SYT6: variants seen among roughly 807,000 people sequenced by gnomAD.
SYT6 encodes the protein synaptotagmin 6, also known as synaptotagmin-6.
A neutral mutation model predicts 38.4 loss-of-function variants in SYT6; 24 were observed. The observed-to-expected ratio is 0.62, with a 90% CI of 0.45 to 0.88. The LOEUF (loss-of-function observed/expected upper bound fraction) is 0.88, where lower values mean the gene tolerates loss of function less well. SYT6 is among the 40% of genes least tolerant of loss of function. The pLI is 0.00. For synonymous variants in SYT6, 265 were observed against 241.9 expected, an observed-to-expected ratio of 1.10 and a Z score of -0.89; for missense variants, 611 against 621.0, an observed-to-expected ratio of 0.98 and a Z score of 0.17.
At chr1:114,151,573 C>A (rs188069341) in intron 1 of SYT6, among the ~76,000 whole-genome samples, 3 of 152,290 alleles carry the variant, frequency 2.0e-5, no homozygotes, top group East Asian at 3.9e-4. Context: ...TCCACCGTCA[C>A]CCCCAGCATT....
At chr1:114,105,851 A>C (rs980710080) in intron 3 of SYT6, among the ~76,000 whole-genome samples, 9 of 152,148 alleles carry the variant, frequency 5.9e-5, no homozygotes, top group Non-Finnish European at 7.4e-5. Context: ...ACCCTTCTGC[A>C]CCTTGGCTTA....
At chr1:114,119,614 T>TA (rs1677251242) in intron 3 of SYT6, among the ~76,000 whole-genome samples, 1 of 152,172 alleles carries the variant, frequency 6.6e-6, no homozygotes, top group Non-Finnish European at 1.5e-5. Flanking sequence ...AGATATGGCT[T>TA]GAACCCAGGC....
chr1:114,094,541 A>G (rs962759036), intron 6 of SYT6, among the ~76,000 whole-genome samples: 3 of 152,216 alleles, frequency 2.0e-5, no homozygotes, highest in African/African-American at 7.2e-5. Context: ...TGATGGCTCA[A>G]TGAATTTTTA....
chr1:114,143,324 A>G (rs528382137), intron 1 of SYT6, among the ~76,000 whole-genome samples: 1 of 149,224 alleles, frequency 6.7e-6, no homozygotes, highest in African/African-American at 2.4e-5. Flanking sequence ...ATGTGTACAT[A>G]TATAAATTAC....
chr1:114,146,325 T>C (rs1023999505), intron 1 of SYT6, among the ~76,000 whole-genome samples: 12 of 152,274 alleles, frequency 7.9e-5, no homozygotes, highest in Non-Finnish European at 1.6e-4. Context: ...TTAAGTTACA[T>C]TGAGATTAGA....
intron 1 of SYT6, among the ~76,000 whole-genome samples, chr1:114,149,859 G>C (rs11584682): frequency 0.19 from 28,912 of 151,952 alleles, 3,678 homozygotes; most frequent in East Asian, 0.54. Flanking sequence ...GCTCCTAGAA[G>C]AAAGAAGGGA....
intron 3 of SYT6, among the ~76,000 whole-genome samples, chr1:114,114,002 C>T (rs1676844871): frequency 6.6e-6 from 1 of 152,210 alleles, no homozygotes; most frequent in Non-Finnish European, 1.5e-5. Context: ...CCAGGCTCTT[C>T]CTGCCCCATG....
chr1:114,137,524 T>A lies in SYT6; in HGVS notation c.1042A>T (p.Ile348Phe). The A allele has an allele frequency of 6.2e-7, 1 of 1,613,922 alleles. No homozygotes were observed. ...GTGGCATATTGGATATCCTTCCAGA[T>A]GGAGGTTTCCCGAGACAGGTCAGAG... ...EASDLSRETSIWKDIQYATSE... is the reference protein window; with the variant it reads ...EASDLSRETSFWKDIQYATSE... The change falls in exon 3 of 8, where the codon ATC (isoleucine) becomes TTC (phenylalanine). Residue 348 changes from isoleucine (I) to phenylalanine (F), a missense_variant. By Grantham distance (21) the Ile-to-Phe change is conservative (BLOSUM62 0). Transcript: ENST00000610222.
In SYT6 at chr1:114,097,768, G is replaced by T. The variant is rs767558303; in HGVS notation, c.1474C>A (p.His492Asn). ...MLAYPRKPIAHWHSLVEVKKS... is the reference protein window; with the variant it reads ...MLAYPRKPIANWHSLVEVKKS... ...TTTACCTCCACCAAGGAGTGCCAGT[G>T]TGCGATGGGCTTCCGGGGGTATGCC... Residue 492 changes from histidine to asparagine, a missense_variant, in exon 6 of 8, where the codon CAC (histidine) becomes AAC (asparagine). His to Asn is a moderately conservative substitution (Grantham distance 68). Transcript: ENST00000610222. 7.4e-6 allele frequency: 12 copies of T among 1,614,244 alleles called. No homozygotes were observed. Among genetic ancestry groups the T allele is most frequent in the Non-Finnish European group, 1.0e-5 (12 of 1,180,052 alleles).
intron 7 of SYT6, among the ~76,000 whole-genome samples, chr1:114,092,330 CTCTCTCTCTGTGTG>C (rs1462913227): frequency 1.3e-5 from 2 of 149,216 alleles, no homozygotes; most frequent in South Asian, 4.3e-4. Flanking sequence ...CTCTCTCTCT[CTCTCTCTCTGTGTG>C]TGTGTGTGTG....
chr1:114,101,089 T>A (rs1210890669), intron 4 of SYT6, among the ~76,000 whole-genome samples: 1 of 152,132 alleles, frequency 6.6e-6, no homozygotes, highest in Admixed American at 6.5e-5. Flanking sequence ...GGTCTTGCTG[T>A]TTTGCCCAGT....
chr1:114,093,455 C>T (rs889960264), intron 7 of SYT6, among the ~76,000 whole-genome samples: 6 of 152,212 alleles, frequency 3.9e-5, no homozygotes, highest in Non-Finnish European at 7.3e-5. Flanking sequence ...ATTATGTGAC[C>T]TAGACCTAAG....
At position 114,137,603 on chromosome 1, in the gene SYT6, G is replaced by A. The variant is rs1678562555; in HGVS notation, c.963C>T (p.Arg321=). The change falls in exon 3 of 8, where the codon CGC becomes CGT. Residue 321 remains arginine, a synonymous_variant. Coordinates refer to ENST00000610222, the MANE Select transcript of SYT6 (RefSeq NM_001253772.2). Reference sequence around the variant, plus strand: ...CGCCAATCATGTCATGGCGGGAGAAGCGGTCAAAGTCGAAGACACTGAGAT... The same window carrying A: ...CGCCAATCATGTCATGGCGGGAGAAACGGTCAAAGTCGAAGACACTGAGAT... ...KLHLSVFDFD[R]FSRHDMIGEV... 6.2e-7 allele frequency: 1 copy of A among 1,614,218 alleles called. No homozygotes were observed. The highest frequency in any genetic ancestry group is 1.7e-5 in the Admixed American group (1 of 60,028).
intron 3 of SYT6, among the ~76,000 whole-genome samples, chr1:114,118,057 A>G (rs1191355693): frequency 6.6e-6 from 1 of 152,158 alleles, no homozygotes; most frequent in Non-Finnish European, 1.5e-5. Flanking sequence ...CATCCTGACA[A>G]TGCCTCACTG....
chr1:114,117,721 A>C (rs1677083540), intron 3 of SYT6, among the ~76,000 whole-genome samples: 1 of 152,210 alleles, frequency 6.6e-6, no homozygotes, highest in Non-Finnish European at 1.5e-5. Context: ...AGAGAACTTA[A>C]GGGAAAAATT....
chr1:114,129,564 T>TTTCTTTCTTTCTTTCTTTCTTTCC (rs1484116622), intron 3 of SYT6, among the ~76,000 whole-genome samples: 1 of 112,942 alleles, frequency 8.9e-6, no homozygotes, highest in African/African-American at 3.5e-5. Context: ...TTTTTCTTTC[T>TTTCTTTCTTTCTTTCTTTCTTTCC]TTTCTTTCTT....
At chr1:114,094,642 T>A (rs1675520872) in intron 6 of SYT6, among the ~76,000 whole-genome samples, 1 of 152,222 alleles carries the variant, frequency 6.6e-6, no homozygotes, top group Non-Finnish European at 1.5e-5. Flanking sequence ...TGAGCAAGTA[T>A]AATGCCCTCT....
chr1:114,123,004 C>A (rs1173631127), intron 3 of SYT6, among the ~76,000 whole-genome samples: 1 of 152,202 alleles, frequency 6.6e-6, no homozygotes, highest in East Asian at 1.9e-4. Context: ...CCGGGGCCCG[C>A]GAGGCACTCT....
chr1:114,137,346 A>C, intron 3 of SYT6, 149 bp downstream of exon 3: 1 of 865,026 alleles, frequency 1.2e-6, no homozygotes, highest in South Asian at 1.8e-5. Flanking sequence ...GCAAGGGTAG[A>C]CTGGGCCACT....
Sources: allele counts gnomAD v4.1 joint callset (sites outside exome capture counted in the v4.1 genomes callset), GRCh38; gene constraint gnomAD v4.1.1; transcripts MANE v1.5; gene names NCBI Gene and HGNC (gene_info 2026-07-23, HGNC 2026-07-21).